MYO1D: variants seen among roughly 807,000 people sequenced by gnomAD.
MYO1D encodes the protein unconventional myosin-Id.
In MYO1D, 83 loss-of-function variants were observed where a neutral mutation model predicts 122.0. The ratio of observed to expected loss-of-function variants is 0.68; its 90% CI spans 0.57 to 0.82. The LOEUF (loss-of-function observed/expected upper bound fraction) is 0.82, where lower values mean the gene tolerates loss of function less well. MYO1D is among the 40% of genes least tolerant of loss of function. The pLI is 0.00. For synonymous variants in MYO1D, 464 were observed against 446.9 expected (o/e 1.04, Z -0.48); for missense variants, 1,157 against 1,269.5 (o/e 0.91, Z 1.35).
At chr17:32,835,665 C>T (rs1207135934) in intron 1 of MYO1D, among the ~76,000 whole-genome samples, 1 of 152,122 alleles carries the variant, frequency 6.6e-6, no homozygotes, top group Non-Finnish European at 1.5e-5. Context: ...GACATCAAGT[C>T]CTTCTGGGTC....
intron 1 of MYO1D, among the ~76,000 whole-genome samples, chr17:32,855,942 T>C (rs1380334726): frequency 6.6e-6 from 1 of 152,214 alleles, no homozygotes; most frequent in Non-Finnish European, 1.5e-5. Context: ...GTCATTCTTA[T>C]TCCCTTGTTC....
intron 21 of MYO1D, among the ~76,000 whole-genome samples, chr17:32,535,137 G>T (rs1382293995): frequency 2.0e-5 from 3 of 152,154 alleles, no homozygotes; most frequent in African/African-American, 7.2e-5. Context: ...AAGCATGTAT[G>T]TTATTTCTAT....
At chr17:32,568,997 C>T (rs1475242973) in intron 21 of MYO1D, among the ~76,000 whole-genome samples, 1 of 152,124 alleles carries the variant, frequency 6.6e-6, no homozygotes, top group Non-Finnish European at 1.5e-5. Context: ...GTGGCCACCC[C>T]CAATATGTAG....
At chr17:32,509,781 G>T (rs1434500500) in intron 21 of MYO1D, among the ~76,000 whole-genome samples, 2 of 151,988 alleles carry the variant, frequency 1.3e-5, no homozygotes, top group African/African-American at 4.8e-5. Flanking sequence ...TAGAGACGGG[G>T]TTTCACCATG....
At chr17:32,802,136 T>C (rs1035028832) in intron 1 of MYO1D, among the ~76,000 whole-genome samples, 9 of 152,184 alleles carry the variant, frequency 5.9e-5, no homozygotes, top group African/African-American at 2.2e-4. Context: ...CACAAATTCA[T>C]CACCACAAAT....
intron 21 of MYO1D, among the ~76,000 whole-genome samples, chr17:32,556,830 T>C (rs1433406493): frequency 2.0e-5 from 3 of 152,156 alleles, no homozygotes; most frequent in Non-Finnish European, 4.4e-5. Context: ...TATTATAGTG[T>C]TTTGGGTCTG....
intron 19 of MYO1D, among the ~76,000 whole-genome samples, chr17:32,646,765 C>T (rs914479505): frequency 6.6e-6 from 1 of 152,058 alleles, no homozygotes; most frequent in Non-Finnish European, 1.5e-5. Flanking sequence ...AAATCTTTAC[C>T]TTCTGTTTCA....
chr17:32,770,182 T>A (rs2090099128), intron 6 of MYO1D, among the ~76,000 whole-genome samples: 1 of 152,248 alleles, frequency 6.6e-6, no homozygotes, highest in Non-Finnish European at 1.5e-5. Flanking sequence ...CATTAATTTC[T>A]ATGCACAGCA....
At chr17:32,769,900 G>A (rs989793403) in intron 6 of MYO1D, among the ~76,000 whole-genome samples, 2 of 152,040 alleles carry the variant, frequency 1.3e-5, no homozygotes, top group African/African-American at 4.8e-5. Flanking sequence ...TGCTTTCTGT[G>A]GGGACTCTAC....
At position 32,853,972 on chromosome 17, in the gene MYO1D, T is replaced by G. The variant is rs1029709098; in HGVS notation, c.95+22806A>C. ...TAATTATTAGAATCTTCCCCCAACC[T>G]CTTATTTCCTCTTTCTCAGGAATAC... On this transcript the variant is annotated intron_variant, in intron 1 of 21. Transcript: ENST00000318217. 2.6e-5 allele frequency among the ~76,000 whole-genome samples: 4 copies of G among 152,228 alleles called. No individual in the cohort carries two copies. The East Asian group carries it at 7.7e-4, about 29-fold the overall frequency.
chr17:32,687,259 C>T (rs559197276), intron 16 of MYO1D, among the ~76,000 whole-genome samples: 67 of 150,090 alleles, frequency 4.5e-4, no homozygotes, highest in East Asian at 3.9e-3. Context: ...TGCAGTGGCG[C>T]GATCTCAGCT....
intron 1 of MYO1D, among the ~76,000 whole-genome samples, chr17:32,818,759 A>G (rs2151056121): frequency 6.6e-6 from 1 of 152,342 alleles, no homozygotes; most frequent in South Asian, 2.1e-4. Context: ...ATTATATCAC[A>G]TAAGGTTACT....
chr17:32,651,335 G>A (rs902242425), intron 19 of MYO1D, among the ~76,000 whole-genome samples: 10 of 152,104 alleles, frequency 6.6e-5, no homozygotes, highest in African/African-American at 2.2e-4. Context: ...GTACTCAGAC[G>A]AACAGTCAAA....
At chr17:32,533,174 G>GC (rs1447112466) in intron 21 of MYO1D, among the ~76,000 whole-genome samples, 1 of 152,080 alleles carries the variant, frequency 6.6e-6, no homozygotes, top group African/African-American at 2.4e-5. Flanking sequence ...TGATACTCAG[G>GC]TAATTCCATA....
chr17:32,819,812 T>C (rs1189832164), intron 1 of MYO1D, among the ~76,000 whole-genome samples: 3 of 152,210 alleles, frequency 2.0e-5, no homozygotes, highest in African/African-American at 2.4e-5. Context: ...CCACATTATA[T>C]AGGATCTAAT....
intron 2 of MYO1D, among the ~76,000 whole-genome samples, chr17:32,779,212 A>C (rs9909965): frequency 0.025 from 3,783 of 152,206 alleles, 161 homozygotes; most frequent in African/African-American, 0.085. Flanking sequence ...TCCTAAGGAA[A>C]TACTAAAAAA....
chr17:32,822,802 C>T (rs1373282819), intron 1 of MYO1D, among the ~76,000 whole-genome samples: 1 of 151,678 alleles, frequency 6.6e-6, no homozygotes, highest in Non-Finnish European at 1.5e-5. Context: ...CTCGCGACCG[C>T]TCCTCAGTCG....
intron 1 of MYO1D, among the ~76,000 whole-genome samples, chr17:32,810,998 G>A (rs1160625520): frequency 6.6e-6 from 1 of 152,204 alleles, no homozygotes; most frequent in African/African-American, 2.4e-5. Flanking sequence ...GACAGCAATT[G>A]TAGCAACGGC....
At position 32,765,086 on chromosome 17, in the gene MYO1D, AT is replaced by A. The variant is rs2090042023; in HGVS notation, c.832-6del. On this transcript the variant is annotated splice_polypyrimidine_tract_variant and splice_region_variant and intron_variant, in intron 7 of 21. Coordinates refer to ENST00000318217, the MANE Select transcript of MYO1D (RefSeq NM_015194.3). ...TACTACAAATTTTAAATTTCCCTGTATCAAAAGTGAAAAAAATAACACATTA... is the reference window on the plus strand; with the variant it reads ...TACTACAAATTTTAAATTTCCCTGTACAAAAGTGAAAAAAATAACACATTA... 2.5e-6 allele frequency: 4 copies of A among 1,604,558 alleles called. No individual in the cohort carries two copies. The highest frequency in any genetic ancestry group is 1.7e-6 in the Non-Finnish European group (2 of 1,172,396).
Sources: allele counts gnomAD v4.1 joint callset (sites outside exome capture counted in the v4.1 genomes callset), GRCh38; gene constraint gnomAD v4.1.1; transcripts MANE v1.5; gene names NCBI Gene and HGNC (gene_info 2026-07-23, HGNC 2026-07-21).